The following MAGOHB variants were observed in gnomAD, a reference collection of about 807,000 sequenced individuals.
MAGOHB encodes the protein mago homolog B, exon junction complex subunit.
In MAGOHB, 15 loss-of-function variants were observed where a neutral mutation model predicts 20.9. That is an observed-to-expected ratio of 0.72 (90% CI 0.48 to 1.11). The LOEUF (loss-of-function observed/expected upper bound fraction) is 1.11. Among genes scored for constraint, MAGOHB ranks in the 50% least tolerant of loss-of-function variants. The probability of loss-of-function intolerance (pLI) is 0.00; values close to 1 mark genes in which losing one functional copy is unlikely to be tolerated. For synonymous variants in MAGOHB, 50 were observed against 57.9 expected, an observed-to-expected ratio of 0.86 and a Z score of 0.62; for missense variants, 162 against 177.6, an observed-to-expected ratio of 0.91 and a Z score of 0.50.
downstream of MAGOHB, among the ~76,000 whole-genome samples, chr12:10,603,674 T>C (rs1236304584): frequency 1.3e-5 from 2 of 152,216 alleles, no homozygotes; most frequent in Non-Finnish European, 2.9e-5. Context: ...TAGGACAAGG[T>C]AGATGCCAGA....
At position 10,613,390 on chromosome 12, in the gene MAGOHB, C is replaced by T. The variant is rs546250076; in HGVS notation, c.94+49G>A. 7.8e-6 allele frequency: 12 copies of T among 1,539,162 alleles called. No homozygotes were observed. The East Asian group carries it at 2.2e-4, about 29-fold the overall frequency. ...GTACCCTCCACACCACCCGGCCTCT[C>T]GGTCTCGCTCCCCTTTCCCAGCACC... On this transcript the variant is annotated intron_variant, in intron 1 of 4. Transcript: ENST00000320756.
At chr12:10,601,454 T>C (rs1210270025), downstream of MAGOHB, among the ~76,000 whole-genome samples, 2 of 152,164 alleles carry the variant, frequency 1.3e-5, no homozygotes, top group Non-Finnish European at 2.9e-5. Context: ...CCAACAAGGC[T>C]CTTGCCACAA....
At chr12:10,610,702 C>T in intron 1 of MAGOHB, 22 bp from the exon 2 acceptor site, 4 of 1,540,724 alleles carry the variant, frequency 2.6e-6, no homozygotes, top group Non-Finnish European at 3.5e-6. Context: ...GGAAAAAAAT[C>T]AATTTATAAT....
At chr12:10,611,738 ACT>A (rs1338620427) in intron 1 of MAGOHB, among the ~76,000 whole-genome samples, 2 of 113,380 alleles carry the variant, frequency 1.8e-5, no homozygotes, top group African/African-American at 7.1e-5. Context: ...ACAGAGCAAG[ACT>A]CTGTCTCAAA....
chr12:10,604,642 T>G lies in MAGOHB; in HGVS notation c.*1633A>C, dbSNP rs967548769. 6.6e-6 allele frequency: 1 copy of G among 152,248 alleles called. No homozygotes were observed. The highest frequency in any genetic ancestry group is 2.4e-5 in the African/African-American group (1 of 41,470). The allele number at this position is 152,248 out of a possible 1,614,324, so 9.4% of individuals were successfully genotyped here. On this transcript the variant is annotated 3_prime_UTR_variant, in exon 5 of 5. Transcript: ENST00000320756. ...TTCAAAAGACGATTGTTCCTGTTTCTGAGGTTGACATCTAAATGCAAGAAA... is the reference window on the plus strand; with the variant it reads ...TTCAAAAGACGATTGTTCCTGTTTCGGAGGTTGACATCTAAATGCAAGAAA...
At position 10,606,219 on chromosome 12, in the gene MAGOHB, C is replaced by T; in HGVS notation, c.*56G>A. On this transcript the variant is annotated 3_prime_UTR_variant, in exon 5 of 5. Transcript: ENST00000320756. ...ATAAAAACCCCAATACTGTAAATGA[C>T]AAATAACCCCTCCCATCCCTTAATT... The T allele has an allele frequency of 1.0e-6, 1 of 962,408 alleles. No individual in the cohort carries two copies. Among genetic ancestry groups the T allele is most frequent in the Non-Finnish European group, 1.5e-6 (1 of 648,512 alleles). 59.6% of individuals were successfully genotyped at this position (962,408 alleles called of 1,614,324 possible).
intron 4 of MAGOHB, among the ~76,000 whole-genome samples, chr12:10,607,292 G>T (rs1204229145): frequency 1.3e-5 from 2 of 152,116 alleles, no homozygotes; most frequent in African/African-American, 4.8e-5. Context: ...ACAATTCAGG[G>T]TGACAGAAAA....
downstream of MAGOHB, among the ~76,000 whole-genome samples, chr12:10,600,070 ATC>A (rs1178815640): frequency 2.0e-5 from 3 of 151,998 alleles, no homozygotes; most frequent in Non-Finnish European, 4.4e-5. Context: ...TCCTTTTTCT[ATC>A]TGTTTATTTC....
chr12:10,604,504 C>A lies in MAGOHB; in HGVS notation c.*1771G>T, dbSNP rs1479683030. ...CGGGGACAAAGACTTAAAGATTTTT[C>A]AACGTAAGCACTATTTCTCCTCAAC... On this transcript the variant is annotated 3_prime_UTR_variant, in exon 5 of 5. Coordinates refer to ENST00000320756, the MANE Select transcript of MAGOHB (RefSeq NM_018048.5). The A allele has an allele frequency of 6.6e-6, 1 of 152,166 alleles. No individual in the cohort carries two copies. The highest frequency in any genetic ancestry group is 1.5e-5 in the Non-Finnish European group (1 of 68,038). 9.4% of individuals were successfully genotyped at this position (152,166 alleles called of 1,614,324 possible).
chr12:10,610,177 A>G (rs959608314), intron 2 of MAGOHB, among the ~76,000 whole-genome samples: 1 of 152,114 alleles, frequency 6.6e-6, no homozygotes, highest in Non-Finnish European at 1.5e-5. Context: ...TCTTTCAAAC[A>G]CTGTATTCTG....
chr12:10,599,867 A>G (rs1565547373), downstream of MAGOHB, among the ~76,000 whole-genome samples: 3 of 152,180 alleles, frequency 2.0e-5, no homozygotes, highest in East Asian at 5.8e-4. Context: ...CTTTGGAGAA[A>G]ATAAAACTAA....
chr12:10,613,017 T>C (rs1865776785), intron 1 of MAGOHB: 1 of 1,119,630 alleles, frequency 8.9e-7, no homozygotes, highest in Non-Finnish European at 1.2e-6. Flanking sequence ...TAAAACATAT[T>C]ATTATTCTCA....
rs971882889 is a variant in MAGOHB at position 10,605,019 on chromosome 12, T to G, written c.*1256A>C. 1 of 152,188 alleles carries G rather than the reference T, an allele frequency of 6.6e-6. No homozygotes were observed. Among genetic ancestry groups the G allele is most frequent in the East Asian group, 1.9e-4 (1 of 5,202 alleles). 9.4% of individuals were successfully genotyped at this position (152,188 alleles called of 1,614,324 possible). A position where few individuals can be genotyped will look rare whatever the true frequency, so the allele number is the denominator to read the frequency against. ...AGTGAAAAACCAAGATTTATTATAA[T>G]AGAGATATTACAGTAAAAAAGATGT... On this transcript the variant is annotated 3_prime_UTR_variant, in exon 5 of 5. Coordinates refer to ENST00000320756, the MANE Select transcript of MAGOHB (RefSeq NM_018048.5).
downstream of MAGOHB, among the ~76,000 whole-genome samples, chr12:10,601,888 T>C (rs1865558551): frequency 6.6e-6 from 1 of 152,194 alleles, no homozygotes; most frequent in Non-Finnish European, 1.5e-5. Context: ...TTCTTGTTTG[T>C]TTTTCTTCCC....
At chr12:10,610,499 A>T in intron 2 of MAGOHB, 123 bp downstream of exon 2, 1 of 1,137,108 alleles carries the variant, frequency 8.8e-7, no homozygotes, top group Non-Finnish European at 1.2e-6. Context: ...CAATCTATAA[A>T]TTGCCTTCTT....
downstream of MAGOHB, among the ~76,000 whole-genome samples, chr12:10,601,419 C>T (rs866884686): frequency 6.6e-6 from 1 of 152,106 alleles, no homozygotes; most frequent in East Asian, 1.9e-4. Flanking sequence ...CACAATGGAC[C>T]GTGAATTCAG....
chr12:10,609,617 T>C, intron 3 of MAGOHB: 1 of 543,442 alleles, frequency 1.8e-6, no homozygotes, highest in Non-Finnish European at 3.3e-6. Context: ...CAGAGAAAGA[T>C]GTCTAAATTT....
chr12:10,608,131 C>G (rs1865662678), intron 3 of MAGOHB, 195 bp from the exon 4 acceptor site: 1 of 423,176 alleles, frequency 2.4e-6, no homozygotes. Context: ...CTCACGCGCA[C>G]TACCCCCAAG....
chr12:10,611,771 A>AAAAAAAAG (rs1555146555), intron 1 of MAGOHB, among the ~76,000 whole-genome samples: 13 of 93,088 alleles, frequency 1.4e-4, no homozygotes, highest in African/African-American at 2.4e-4. Context: ...AAAAAAAAAA[A>AAAAAAAAG]AAAAGAAAAG....
Sources: allele counts gnomAD v4.1 joint callset (sites outside exome capture counted in the v4.1 genomes callset), GRCh38; gene constraint gnomAD v4.1.1; transcripts MANE v1.5; gene names NCBI Gene and HGNC (gene_info 2026-07-23, HGNC 2026-07-21).